Variants in TENM2 observed in about 807,000 individuals in gnomAD.
TENM2 encodes the protein teneurin-2.
In TENM2, 52 loss-of-function variants were observed where a neutral mutation model predicts 245.2. The observed-to-expected ratio is 0.21, with a 90% CI of 0.17 to 0.27. TENM2 has a LOEUF of 0.27. TENM2 is among the 10% of genes least tolerant of loss of function. The pLI is 1.00. For synonymous variants in TENM2, 1,363 were observed against 1,438.9 expected, an observed-to-expected ratio of 0.95 and a Z score of 1.19; for missense variants, 3,046 against 3,666.8, an observed-to-expected ratio of 0.83 and a Z score of 4.37.
At chr5:167,690,186 A>G (rs1464735778) in intron 2 of TENM2, among the ~76,000 whole-genome samples, 1 of 148,442 alleles carries the variant, frequency 6.7e-6, no homozygotes, top group Non-Finnish European at 1.5e-5. Context: ...TTAATGCTGT[A>G]TATGATCACT....
chr5:167,016,299 A>T, the TENM2 span, among the ~76,000 whole-genome samples: 1 of 142,932 alleles, frequency 7.0e-6, no homozygotes, highest in Non-Finnish European at 1.5e-5. Context: ...AAAAAAAAAA[A>T]GAGGGAGAGA....
intron 9 of TENM2, among the ~76,000 whole-genome samples, chr5:168,098,589 G>A (rs1232233923): frequency 6.6e-6 from 1 of 152,104 alleles, no homozygotes; most frequent in African/African-American, 2.4e-5. Context: ...ACACTGCTGT[G>A]CACAGAATAG....
exon 8 of TENM2, chr5:168,090,640 C>T (rs773739410): frequency 9.9e-6 from 16 of 1,613,430 alleles, no homozygotes; most frequent in Non-Finnish European, 1.3e-5. Context: ...CAGGGAACGC[C>T]GGAGCATACA....
At chr5:167,561,259 T>C (rs1773569174) in intron 2 of TENM2, among the ~76,000 whole-genome samples, 1 of 152,208 alleles carries the variant, frequency 6.6e-6, no homozygotes, top group Non-Finnish European at 1.5e-5. Context: ...AACAATTACA[T>C]TGCACATTTC....
chr5:167,922,849 T>G (rs1777472509), intron 3 of TENM2, among the ~76,000 whole-genome samples: 1 of 152,218 alleles, frequency 6.6e-6, no homozygotes, highest in African/African-American at 2.4e-5. Context: ...TTTGTCTTCC[T>G]TGTTTATTGC....
intron 2 of TENM2, among the ~76,000 whole-genome samples, chr5:167,463,238 A>G (rs764092518): frequency 2.0e-5 from 3 of 152,192 alleles, no homozygotes; most frequent in Non-Finnish European, 4.4e-5. Context: ...ATAACCATGT[A>G]TGAATGACTA....
the TENM2 span, among the ~76,000 whole-genome samples, chr5:167,186,614 G>T: frequency 6.6e-6 from 1 of 152,218 alleles, no homozygotes; most frequent in Non-Finnish European, 1.5e-5. Flanking sequence ...TGGCTTCTCT[G>T]CCAGTCACCG....
At chr5:167,220,361 C>A in the TENM2 span, among the ~76,000 whole-genome samples, 7 of 152,132 alleles carry the variant, frequency 4.6e-5, no homozygotes, top group African/African-American at 1.7e-4. Context: ...CTTTTGGTCA[C>A]AAGGAAGCTA....
At chr5:168,112,068 A>T (rs1794706897) in intron 9 of TENM2, among the ~76,000 whole-genome samples, 1 of 152,148 alleles carries the variant, frequency 6.6e-6, no homozygotes, top group Admixed American at 6.5e-5. Context: ...AGAAGATATT[A>T]ATTCTTTATA....
In TENM2 at chr5:167,934,821, T is replaced by C. The variant is rs1025801182; in HGVS notation, c.713-17767T>C. The C allele has an allele frequency of 4.1e-6, 4 of 982,502 alleles. No individual in the cohort carries two copies. The African/African-American group carries it at 7.0e-5, about 17-fold the overall frequency. 60.9% of individuals were successfully genotyped at this position (982,502 alleles called of 1,614,324 possible). On this transcript the variant is annotated intron_variant, in intron 3 of 28. Coordinates refer to ENST00000518659, the Ensembl canonical transcript of TENM2. ...GGGCCTGGCATGTGTGTGCTCAGCA[T>C]CACGGGCAGCTAGCAAAGACCAGTG...
At chr5:167,621,345 G>A (rs1457638485) in intron 2 of TENM2, among the ~76,000 whole-genome samples, 6 of 152,164 alleles carry the variant, frequency 3.9e-5, no homozygotes, top group African/African-American at 1.4e-4. Flanking sequence ...TACAGGGGTA[G>A]GGACATTTGA....
At chr5:167,266,257 A>G in the TENM2 span, among the ~76,000 whole-genome samples, 2 of 152,202 alleles carry the variant, frequency 1.3e-5, no homozygotes, top group Non-Finnish European at 2.9e-5. Context: ...TTATCAAATC[A>G]CATAAAAAAC....
the TENM2 span, among the ~76,000 whole-genome samples, chr5:167,016,149 G>T: frequency 6.6e-6 from 1 of 151,836 alleles, no homozygotes; most frequent in Non-Finnish European, 1.5e-5. Flanking sequence ...AGCTGTTCGG[G>T]AGGCTGACAC....
intron 5 of TENM2, among the ~76,000 whole-genome samples, chr5:168,030,168 T>TTTTTTTTTTTTC (rs1786997913): frequency 1.2e-5 from 1 of 84,626 alleles, no homozygotes; most frequent in Non-Finnish European, 2.6e-5. Flanking sequence ...CTTTTTTTTT[T>TTTTTTTTTTTTC]TTTTTTTTTT....
At chr5:168,037,815 G>A (rs191560519) in intron 5 of TENM2, among the ~76,000 whole-genome samples, 8 of 152,220 alleles carry the variant, frequency 5.3e-5, no homozygotes, top group Admixed American at 4.6e-4. Context: ...ATGACCCTAG[G>A]CAAGTCATTT....
the TENM2 span, among the ~76,000 whole-genome samples, chr5:167,158,759 A>G: frequency 6.6e-6 from 1 of 151,818 alleles, no homozygotes; most frequent in Non-Finnish European, 1.5e-5. Context: ...TTATCTCCCA[A>G]AGTCCCCATT....
At chr5:167,570,140 C>A (rs764266533) in intron 2 of TENM2, among the ~76,000 whole-genome samples, 2 of 152,058 alleles carry the variant, frequency 1.3e-5, no homozygotes, top group Non-Finnish European at 2.9e-5. Context: ...TCAGGCTGGG[C>A]GGACAGTAAG....
the TENM2 span, among the ~76,000 whole-genome samples, chr5:167,090,705 A>T: frequency 6.6e-6 from 1 of 152,220 alleles, no homozygotes; most frequent in Non-Finnish European, 1.5e-5. Context: ...GAAAGGAGAA[A>T]GGTTTGAAGC....
intron 2 of TENM2, among the ~76,000 whole-genome samples, chr5:167,668,432 A>G (rs1755713738): frequency 6.6e-6 from 1 of 152,198 alleles, no homozygotes; most frequent in African/African-American, 2.4e-5. Context: ...AACGTTCCAC[A>G]AATGTTAAAT....
Sources: gnomAD v4.1 joint callset for allele counts (sites outside exome capture counted in the v4.1 genomes callset) on GRCh38, gnomAD v4.1.1 for gene constraint, MANE v1.5 for transcripts, NCBI Gene and HGNC (gene_info 2026-07-23, HGNC 2026-07-21) for gene names.